EXOC4: variants seen among roughly 807,000 people sequenced by gnomAD.
EXOC4 encodes the protein SEC8-like 1.
Under a neutral mutation model 107.2 loss-of-function variants are expected in EXOC4, and 71 were observed. The observed-to-expected ratio is 0.66, with a 90% CI of 0.55 to 0.81. The LOEUF (loss-of-function observed/expected upper bound fraction) is 0.81, where lower values mean the gene tolerates loss of function less well. Ranked by LOEUF, EXOC4 falls within the 30% of genes least tolerant of loss-of-function variation. EXOC4 has a pLI of 0.00. For missense variants in EXOC4, 1,108 were observed against 1,189.6 expected, an observed-to-expected ratio of 0.93 and a Z score of 1.01; for synonymous variants, 456 against 441.2, an observed-to-expected ratio of 1.03 and a Z score of -0.42.
intron 10 of EXOC4, among the ~76,000 whole-genome samples, chr7:133,777,279 A>AAGAG (rs151199039): frequency 0.021 from 38 of 1,782 alleles, no homozygotes; most frequent in African/African-American, 0.026. Context: ...GAGAGAGAGA[A>AAGAG]AGAGAGAGAG....
intron 4 of EXOC4, among the ~76,000 whole-genome samples, chr7:133,316,339 T>C (rs539442500): frequency 1.3e-5 from 2 of 152,262 alleles, no homozygotes; most frequent in South Asian, 4.1e-4. Flanking sequence ...CCCCTTTGCC[T>C]GCTCTAGCCA....
intron 9 of EXOC4, among the ~76,000 whole-genome samples, chr7:133,550,146 G>A (rs995199762): frequency 1.3e-5 from 2 of 152,116 alleles, no homozygotes; most frequent in Non-Finnish European, 2.9e-5. Flanking sequence ...ACACTGGCAG[G>A]GAGAGGTGTT....
chr7:133,537,909 A>G lies in EXOC4; in HGVS notation c.1417+57771A>G, dbSNP rs569203273. On this transcript the variant is annotated intron_variant, in intron 9 of 17. Transcript: ENST00000253861. The stretch of plus-strand genomic sequence containing the variant: ...AAGAGTTTTACATGTTGATCACAAT[A>G]ATACATATTTTTGGTTCATTTTGTT... Among the ~76,000 whole-genome samples the G allele has an allele frequency of 3.9e-5, 6 of 152,328 alleles. No individual in the cohort carries two copies. The South Asian group carries it at 1.0e-3, about 26-fold the overall frequency.
rs1585017133 is a variant in EXOC4 at position 133,589,683 on chromosome 7, G to GTGTGCTGTTCAT, written c.1418-40358_1418-40347dup. On this transcript the variant is annotated intron_variant, in intron 9 of 17. Coordinates refer to ENST00000253861, the MANE Select transcript of EXOC4 (RefSeq NM_021807.4). ...GGATGTCTACGATGTTGGCTATTGT[G>GTGTGCTGTTCAT]TGTGCTGTTCATTGTCGGCCCTCTT... Among the ~76,000 whole-genome samples the GTGTGCTGTTCAT allele has an allele frequency of 2.0e-5, 3 of 152,286 alleles. No homozygotes were observed. The East Asian group carries it at 5.8e-4, about 29-fold the overall frequency.
At chr7:133,763,425 G>C (rs1054654660) in intron 10 of EXOC4, among the ~76,000 whole-genome samples, 1 of 152,114 alleles carries the variant, frequency 6.6e-6, no homozygotes, top group African/African-American at 2.4e-5. Flanking sequence ...AAGTGGTAAA[G>C]AGTACAGTTT....
chr7:133,795,903 G>A (rs1407956232), intron 10 of EXOC4, among the ~76,000 whole-genome samples: 1 of 151,990 alleles, frequency 6.6e-6, no homozygotes, highest in Non-Finnish European at 1.5e-5. Context: ...ACATCCTTAA[G>A]CTTATTCAGA....
chr7:133,598,990 C>T (rs1196142076), intron 9 of EXOC4, among the ~76,000 whole-genome samples: 1 of 151,772 alleles, frequency 6.6e-6, no homozygotes, highest in East Asian at 1.9e-4. Context: ...TCTCCAATAA[C>T]TAAATTAATT....
intron 9 of EXOC4, among the ~76,000 whole-genome samples, chr7:133,506,283 T>G (rs900661865): frequency 3.3e-5 from 5 of 152,118 alleles, no homozygotes; most frequent in African/African-American, 1.2e-4. Context: ...GGATAATCAT[T>G]AGTGATATTA....
At chr7:133,677,002 A>T (rs1794077809) in intron 10 of EXOC4, among the ~76,000 whole-genome samples, 1 of 149,790 alleles carries the variant, frequency 6.7e-6, no homozygotes, top group Non-Finnish European at 1.5e-5. Context: ...ATGAATCACC[A>T]AGGCTTCAGA....
chr7:133,342,314 C>T (rs62470953), intron 5 of EXOC4, among the ~76,000 whole-genome samples: 13,359 of 152,074 alleles, frequency 0.088, 681 homozygotes, highest in Middle Eastern at 0.16. Flanking sequence ...TTGCTGGATA[C>T]GAAATTGTTG....
chr7:133,603,116 C>T (rs1801846539), intron 9 of EXOC4, among the ~76,000 whole-genome samples: 1 of 152,034 alleles, frequency 6.6e-6, no homozygotes. Flanking sequence ...TTAAATTTTA[C>T]ATAATTTTAC....
At chr7:133,748,999 A>T (rs1795734353) in intron 10 of EXOC4, among the ~76,000 whole-genome samples, 1 of 152,208 alleles carries the variant, frequency 6.6e-6, no homozygotes, top group Non-Finnish European at 1.5e-5. Context: ...CTGCACAAAG[A>T]TAAGTACTTG....
At chr7:134,011,240 G>T (rs1369167104) in intron 17 of EXOC4, among the ~76,000 whole-genome samples, 3 of 151,876 alleles carry the variant, frequency 2.0e-5, no homozygotes, top group Non-Finnish European at 4.4e-5. Flanking sequence ...TAGGAGTCCA[G>T]ATGGTGGCAG....
the EXOC4 span, among the ~76,000 whole-genome samples, chr7:134,073,375 C>T: frequency 1.3e-5 from 2 of 152,074 alleles, no homozygotes; most frequent in South Asian, 2.1e-4. Flanking sequence ...TCAGCCCCCT[C>T]CCCACACATG....
rs578166889 is a variant in EXOC4, at chr7:133,395,696, T to C, written c.1182+20694T>C. On this transcript the variant is annotated intron_variant, in intron 7 of 17. Transcript: ENST00000253861. ...ATATATAAAACACACACACACACTG[T>C]ATTTAGAAAGAAAAAGACCATCTGT... is the stretch of plus-strand genomic sequence containing the variant. Among the ~76,000 whole-genome samples the C allele has an allele frequency of 4.8e-4, 73 of 152,270 alleles. 1 individual carries two copies. The South Asian group carries it at 0.015, about 31-fold the overall frequency.
chr7:133,570,147 A>G (rs1442514465), intron 9 of EXOC4, among the ~76,000 whole-genome samples: 3 of 152,194 alleles, frequency 2.0e-5, no homozygotes, highest in Non-Finnish European at 4.4e-5. Context: ...ATAATGTATA[A>G]TAGTTGGCAC....
chr7:133,448,581 TTA>T lies in EXOC4; in HGVS notation c.1183-26744_1183-26743del. On this transcript the variant is annotated intron_variant, in intron 7 of 17. Transcript: ENST00000253861. ...CTTCACCCATCCCCAAGTGCTGTGG[TTA>T]TAGGCATGAGGCACCATGCCCAACC... Among the ~76,000 whole-genome samples, 3 of 152,140 alleles carry T rather than the reference TTA, an allele frequency of 2.0e-5. No homozygotes were observed. In the South Asian group the frequency reaches 6.3e-4, roughly 32 times the overall value.
intron 10 of EXOC4, among the ~76,000 whole-genome samples, chr7:133,811,385 C>T (rs552235027): frequency 6.6e-6 from 1 of 152,132 alleles, no homozygotes; most frequent in Non-Finnish European, 1.5e-5. Flanking sequence ...TGATTATTCT[C>T]TTCTATACCC....
At chr7:133,795,229 A>G (rs1796789842) in intron 10 of EXOC4, among the ~76,000 whole-genome samples, 1 of 152,204 alleles carries the variant, frequency 6.6e-6, no homozygotes, top group Non-Finnish European at 1.5e-5. Context: ...CCATGAAAAT[A>G]TAATCCTCAT....
Sources: allele counts gnomAD v4.1 joint callset (sites outside exome capture counted in the v4.1 genomes callset), GRCh38; gene constraint gnomAD v4.1.1; transcripts MANE v1.5; gene names NCBI Gene and HGNC (gene_info 2026-07-23, HGNC 2026-07-21).